Variants in KIAA1328 observed in about 807,000 individuals in gnomAD.
KIAA1328 encodes protein hinderin.
KIAA1328 carries 52 observed loss-of-function variants against 68.1 expected under a neutral mutation model. The ratio of observed to expected loss-of-function variants is 0.76; its 90% CI spans 0.61 to 0.96. The LOEUF is 0.96. Among genes scored for constraint, KIAA1328 ranks in the 40% least tolerant of loss-of-function variants. The pLI is 0.00. For synonymous variants in KIAA1328, 232 were observed against 239.4 expected, an observed-to-expected ratio of 0.97 and a Z score of 0.28; for missense variants, 641 against 677.6, an observed-to-expected ratio of 0.95 and a Z score of 0.60.
chr18:37,083,039 A>C (rs921800725), intron 7 of KIAA1328, among the ~76,000 whole-genome samples: 2 of 152,336 alleles, frequency 1.3e-5, no homozygotes, highest in Non-Finnish European at 2.9e-5. Context: ...AGTAATTTAT[A>C]AATAGGTAAT....
At chr18:37,060,063 T>C (rs1353087157) in intron 6 of KIAA1328, among the ~76,000 whole-genome samples, 1 of 152,022 alleles carries the variant, frequency 6.6e-6, no homozygotes, top group Non-Finnish European at 1.5e-5. Context: ...ATGTAGATGA[T>C]GGGTTGATGG....
At chr18:37,087,979 A>G (rs1273725950) in intron 7 of KIAA1328, among the ~76,000 whole-genome samples, 1 of 152,184 alleles carries the variant, frequency 6.6e-6, no homozygotes, top group Non-Finnish European at 1.5e-5. Flanking sequence ...GGGGACAGAT[A>G]GAGGAGGACA....
chr18:37,026,859 G>C (rs1244530825), intron 6 of KIAA1328, among the ~76,000 whole-genome samples: 1 of 152,172 alleles, frequency 6.6e-6, no homozygotes, highest in African/African-American at 2.4e-5. Context: ...ACACAGTGTT[G>C]GAAGTTCTGG....
intron 8 of KIAA1328, among the ~76,000 whole-genome samples, chr18:37,166,558 C>A (rs576703786): frequency 6.6e-6 from 1 of 152,306 alleles, no homozygotes; most frequent in Non-Finnish European, 1.5e-5. Context: ...CTCTTCCCAG[C>A]GTGTCAGCAG....
At chr18:36,991,303 G>T (rs2053168317) in intron 6 of KIAA1328, among the ~76,000 whole-genome samples, 1 of 152,026 alleles carries the variant, frequency 6.6e-6, no homozygotes, top group Non-Finnish European at 1.5e-5. Context: ...ATTATAGTTG[G>T]CAGATTAAGA....
At chr18:37,126,866 G>A (rs1232183111) in intron 7 of KIAA1328, among the ~76,000 whole-genome samples, 1 of 152,044 alleles carries the variant, frequency 6.6e-6, no homozygotes, top group African/African-American at 2.4e-5. Flanking sequence ...TTCAACAAAT[G>A]CAAAAAGTTG....
chr18:37,185,473 C>T (rs1394777619), intron 9 of KIAA1328, among the ~76,000 whole-genome samples: 3 of 152,074 alleles, frequency 2.0e-5, no homozygotes, highest in Non-Finnish European at 4.4e-5. Context: ...CATAGAAAAA[C>T]ATGACTGTGT....
chr18:36,990,795 A>G (rs1480111304), intron 6 of KIAA1328, among the ~76,000 whole-genome samples: 1 of 152,096 alleles, frequency 6.6e-6, no homozygotes. Context: ...TAAATTCCCT[A>G]AAATGGAAAT....
chr18:37,076,340 A>G (rs1389075813), intron 7 of KIAA1328, among the ~76,000 whole-genome samples: 2 of 152,152 alleles, frequency 1.3e-5, no homozygotes, highest in Non-Finnish European at 2.9e-5. Context: ...AGCAGTGTGT[A>G]GAGGGAAATT....
In KIAA1328 at chr18:36,850,852, T is replaced by C. The variant is rs190615219; in HGVS notation, c.332+6550T>C. On this transcript the variant is annotated intron_variant, in intron 4 of 9. Transcript: ENST00000280020. ...GCTCTGCCTAGAATTTCTAGTACATTGATTAGTGGAGTGGCAGAAGCAGGC... is the reference window on the plus strand; with the variant it reads ...GCTCTGCCTAGAATTTCTAGTACATCGATTAGTGGAGTGGCAGAAGCAGGC... 2.3e-3 allele frequency among the ~76,000 whole-genome samples: 348 copies of C among 152,284 alleles called. 2 individuals are homozygous for C. Among genetic ancestry groups the C allele is most frequent in the Non-Finnish European group, 3.8e-3 (260 of 68,010 alleles).
chr18:37,182,687 G>A (rs2059720442), intron 9 of KIAA1328, among the ~76,000 whole-genome samples: 1 of 152,148 alleles, frequency 6.6e-6, no homozygotes, highest in Admixed American at 6.5e-5. Context: ...CATCTCAGAG[G>A]TGGGCAGTTT....
At chr18:37,228,252 C>G (rs915784600), downstream of KIAA1328, among the ~76,000 whole-genome samples, 1 of 152,142 alleles carries the variant, frequency 6.6e-6, no homozygotes, top group Admixed American at 6.5e-5. Flanking sequence ...GAAATGACAA[C>G]AAAAGACTTA....
intron 9 of KIAA1328, among the ~76,000 whole-genome samples, chr18:37,180,474 A>G (rs940012123): frequency 1.3e-5 from 2 of 152,196 alleles, no homozygotes; most frequent in African/African-American, 2.4e-5. Flanking sequence ...GGTAGGAATC[A>G]GACAAACTTA....
intron 7 of KIAA1328, chr18:37,084,139 C>T (rs934608472): frequency 1.3e-6 from 2 of 1,494,626 alleles, no homozygotes; most frequent in African/African-American, 2.8e-5. Context: ...AAAGCTCAGG[C>T]TCTGTTTAAG....
chr18:37,061,418 A>G (rs1213885796), intron 6 of KIAA1328, among the ~76,000 whole-genome samples: 1 of 152,204 alleles, frequency 6.6e-6, no homozygotes, highest in Non-Finnish European at 1.5e-5. Flanking sequence ...GGTTACACAG[A>G]TAGATACAAA....
At chr18:37,210,125 A>G (rs923226109) in intron 9 of KIAA1328, among the ~76,000 whole-genome samples, 6 of 152,214 alleles carry the variant, frequency 3.9e-5, no homozygotes, top group Admixed American at 6.5e-5. Context: ...GCTGCAGTCC[A>G]TGGATGGACC....
intron 6 of KIAA1328, among the ~76,000 whole-genome samples, chr18:37,032,214 C>G (rs918291810): frequency 2.9e-4 from 44 of 152,200 alleles, no homozygotes; most frequent in Non-Finnish European, 8.8e-5. Flanking sequence ...TAATATTTAC[C>G]AGATCATGTG....
intron 4 of KIAA1328, among the ~76,000 whole-genome samples, chr18:36,864,727 C>G (rs1347109719): frequency 6.6e-6 from 1 of 151,354 alleles, no homozygotes; most frequent in Non-Finnish European, 1.5e-5. Context: ...TAAATATTCA[C>G]TGAAACCATC....
chr18:36,889,791 C>T (rs779708675), intron 5 of KIAA1328, among the ~76,000 whole-genome samples: 16 of 152,050 alleles, frequency 1.1e-4, no homozygotes, highest in Non-Finnish European at 1.6e-4. Context: ...ATGACTAACC[C>T]AGGTTTCTCA....
Sources: allele counts gnomAD v4.1 joint callset (sites outside exome capture counted in the v4.1 genomes callset), GRCh38; gene constraint gnomAD v4.1.1; transcripts MANE v1.5; gene names NCBI Gene and HGNC (gene_info 2026-07-23, HGNC 2026-07-21).